The following NFU1 variants were observed in gnomAD, a reference collection of about 807,000 sequenced individuals.
NFU1 encodes NFU1 iron-sulfur cluster scaffold.
In NFU1, 30 loss-of-function variants were observed where a neutral mutation model predicts 32.2. The observed-to-expected ratio is 0.93, with a 90% CI of 0.70 to 1.26. NFU1 has a LOEUF of 1.26. NFU1 is among the 50% of genes most tolerant of loss of function. The probability of loss-of-function intolerance (pLI) is 0.00; values close to 1 mark genes in which losing one functional copy is unlikely to be tolerated. For synonymous variants in NFU1, 112 were observed against 104.6 expected (o/e 1.07, Z -0.43); for missense variants, 306 against 306.6 (o/e 1.00, Z 0.02).
At chr2:69,414,780 A>G (rs1005061091) in intron 5 of NFU1, among the ~76,000 whole-genome samples, 1 of 152,044 alleles carries the variant, frequency 6.6e-6, no homozygotes, top group African/African-American at 2.4e-5. Flanking sequence ...CAGTGGTTTT[A>G]GCGGTTTCTT....
rs756279935 is a variant in NFU1, at chr2:69,431,887, G to A, written c.166+15C>T. On this transcript the variant is annotated intron_variant, in intron 2 of 7. Coordinates refer to ENST00000410022, the MANE Select transcript of NFU1 (RefSeq NM_001002755.4). ...TTTCTGAAACACAACTGCTATAAAA[G>A]AGGTGAAATTTTACCTGGGTGATAA... 2 of 1,508,742 alleles carry A rather than the reference G, an allele frequency of 1.3e-6. No individual in the cohort carries two copies. Among genetic ancestry groups the A allele is most frequent in the Non-Finnish European group, 1.8e-6 (2 of 1,083,874 alleles). 93.5% of individuals were successfully genotyped at this position (1,508,742 alleles called of 1,614,324 possible).
At chr2:69,439,189 G>T (rs192198919), upstream of NFU1, among the ~76,000 whole-genome samples, 1 of 152,128 alleles carries the variant, frequency 6.6e-6, no homozygotes, top group East Asian at 1.9e-4. Context: ...CTGAAACGAG[G>T]CTTCTATGTC....
chr2:69,414,936 A>G lies in NFU1; in HGVS notation c.484+249T>C, dbSNP rs148034701. On this transcript the variant is annotated intron_variant, in intron 5 of 7. Transcript: ENST00000410022. ...ACTTAATTAACATTTGTTAGATATG[A>G]GTGGAGGGCAAATTGGTGAGCATGA... 5.9e-5 allele frequency among the ~76,000 whole-genome samples: 9 copies of G among 152,262 alleles called. No individual in the cohort carries two copies. In the East Asian group the frequency reaches 1.7e-3, roughly 29 times the overall value.
chr2:69,408,769 T>TATATATATAC (rs1219902624), intron 5 of NFU1, among the ~76,000 whole-genome samples: 191 of 133,554 alleles, frequency 1.4e-3, no homozygotes, highest in Non-Finnish European at 2.3e-3. Flanking sequence ...TATATATATA[T>TATATATATAC]ACACACACAC....
chr2:69,415,126 AAGAAAAT>A (rs1673007556), intron 5 of NFU1, 52 bp downstream of exon 5: 6 of 884,996 alleles, frequency 6.8e-6, no homozygotes, highest in African/African-American at 5.0e-5. Flanking sequence ...GGTAAATGTG[AAGAAAAT>A]AGAAAAGTCT....
chr2:69,432,516 G>A (rs1340874394), intron 1 of NFU1, among the ~76,000 whole-genome samples: 1 of 151,870 alleles, frequency 6.6e-6, no homozygotes, highest in Non-Finnish European at 1.5e-5. Flanking sequence ...AGAGGTTGCA[G>A]TGAGCCAACA....
At chr2:69,438,126 CA>C (rs533739839), upstream of NFU1, among the ~76,000 whole-genome samples, 2 of 150,504 alleles carry the variant, frequency 1.3e-5, no homozygotes, top group African/African-American at 4.9e-5. Flanking sequence ...GACTAGGGGC[CA>C]AAAAAAAGCA....
chr2:69,432,623 A>C (rs1431416957), intron 1 of NFU1, among the ~76,000 whole-genome samples: 2 of 152,142 alleles, frequency 1.3e-5, no homozygotes, highest in African/African-American at 4.8e-5. Flanking sequence ...TTTATAACCC[A>C]TAGTCCCAGA....
chr2:69,399,162 A>G, intron 7 of NFU1: 1 of 268,738 alleles, frequency 3.7e-6, no homozygotes, highest in South Asian at 3.3e-5. Flanking sequence ...GAGCCGAGAT[A>G]GCGTGTCACT....
chr2:69,400,779 T>A (rs1480322224), intron 6 of NFU1, among the ~76,000 whole-genome samples: 2 of 152,112 alleles, frequency 1.3e-5, no homozygotes, highest in African/African-American at 4.8e-5. Context: ...CCGCATTTGA[T>A]CTTGCTTGCT....
chr2:69,400,488 T>G lies in NFU1; in HGVS notation c.596A>C (p.Asp199Ala). 1 of 1,614,160 alleles carries G rather than the reference T, an allele frequency of 6.2e-7. No homozygotes were observed. The highest frequency in any genetic ancestry group is 8.5e-7 in the Non-Finnish European group (1 of 1,180,032). ...CTGGAGTTTCAGCTGTACAATGCCA[T>G]CTTCAAAGCCTTTGTAGATTACATC... ...GGDVIYKGFE[D>A]GIVQLKLQGS... The change falls in exon 7 of 8, where the codon GAT (aspartate) becomes GCT (alanine). Residue 199 changes from aspartate (D) to alanine (A), a missense_variant. Physicochemically the swap from Asp to Ala is moderately radical, Grantham distance 126. Transcript: ENST00000410022.
chr2:69,417,778 C>A lies in NFU1; in HGVS notation c.369+1760G>T, dbSNP rs115369051. The stretch of plus-strand genomic sequence containing the variant: ...TTAAGAAAAAATTGTAGAGCTAGGG[C>A]AATTTCAAATAGGGTAACTAAATAA... On this transcript the variant is annotated intron_variant, in intron 4 of 7. Transcript: ENST00000410022. Among the ~76,000 whole-genome samples, 1,395 of 149,130 alleles carry A rather than the reference C, an allele frequency of 9.4e-3. 36 individuals carry two copies. The highest frequency in any genetic ancestry group is 0.033 in the African/African-American group (1,327 of 40,450).
At chr2:69,437,160 C>T (rs1673870088) in intron 1 of NFU1, 1 of 1,200,980 alleles carries the variant, frequency 8.3e-7, no homozygotes, top group Non-Finnish European at 1.1e-6. Flanking sequence ...CCAGAGAGTC[C>T]GCCCGGATTA....
intron 4 of NFU1, among the ~76,000 whole-genome samples, chr2:69,415,888 A>G (rs1673033501): frequency 6.6e-6 from 1 of 152,158 alleles, no homozygotes; most frequent in Admixed American, 6.6e-5. Context: ...ACATTTTGGG[A>G]AGCTGAGGCA....
chr2:69,433,638 G>A (rs1285338360), intron 1 of NFU1, among the ~76,000 whole-genome samples: 2 of 151,624 alleles, frequency 1.3e-5, no homozygotes, highest in Non-Finnish European at 1.5e-5. Context: ...ATCACACCCG[G>A]CTAATTTTTA....
At chr2:69,422,384 G>C (rs1017710056) in intron 3 of NFU1, among the ~76,000 whole-genome samples, 1 of 152,056 alleles carries the variant, frequency 6.6e-6, no homozygotes, top group Admixed American at 6.6e-5. Context: ...CACAGATAAG[G>C]GGGGACTACT....
At chr2:69,408,024 A>T (rs1314919513) in intron 5 of NFU1, among the ~76,000 whole-genome samples, 1 of 151,882 alleles carries the variant, frequency 6.6e-6, no homozygotes, top group East Asian at 1.9e-4. Flanking sequence ...AAAAAAAAAA[A>T]AAAATAGATA....
upstream of NFU1, among the ~76,000 whole-genome samples, chr2:69,438,559 A>C (rs899918793): frequency 3.3e-5 from 5 of 152,122 alleles, no homozygotes; most frequent in Non-Finnish European, 5.9e-5. Flanking sequence ...CACCCTGCCT[A>C]GTAGTGTTTT....
At chr2:69,419,687 A>G in intron 3 of NFU1, 83 bp from the exon 4 acceptor site, 1 of 810,164 alleles carries the variant, frequency 1.2e-6, no homozygotes. Context: ...AGAAAAGTAA[A>G]AAATTCTCCA....
Sources: allele counts gnomAD v4.1 joint callset (sites outside exome capture counted in the v4.1 genomes callset), GRCh38; gene constraint gnomAD v4.1.1; transcripts MANE v1.5; gene names NCBI Gene and HGNC (gene_info 2026-07-23, HGNC 2026-07-21).